Variants in STIM2 observed in about 807,000 individuals in gnomAD.
The protein encoded by STIM2 is stromal interaction molecule 2.
A neutral mutation model predicts 85.8 loss-of-function variants in STIM2; 31 were observed. That is an observed-to-expected ratio of 0.36 (90% CI 0.27 to 0.49). The LOEUF (loss-of-function observed/expected upper bound fraction) is 0.49, where lower values mean the gene tolerates loss of function less well. Among genes scored for constraint, STIM2 ranks in the 20% least tolerant of loss-of-function variants. STIM2 has a pLI of 0.98. For missense variants in STIM2, 841 were observed against 927.6 expected (o/e 0.91, Z 1.21); for synonymous variants, 356 against 331.1 (o/e 1.08, Z -0.82).
At chr4:26,970,468 C>T (rs1233699993) in intron 3 of STIM2, among the ~76,000 whole-genome samples, 2 of 151,020 alleles carry the variant, frequency 1.3e-5, no homozygotes, top group African/African-American at 2.4e-5. Flanking sequence ...TTGTTCAGTT[C>T]CCACCTATGA....
intron 2 of STIM2, among the ~76,000 whole-genome samples, chr4:26,950,181 T>C (rs958126456): frequency 6.6e-6 from 1 of 152,206 alleles, no homozygotes; most frequent in Non-Finnish European, 1.5e-5. Context: ...CAGTGACAGC[T>C]ATTTCATGTT....
chr4:26,940,162 C>T (rs368690102), intron 2 of STIM2, among the ~76,000 whole-genome samples: 31 of 152,232 alleles, frequency 2.0e-4, no homozygotes, highest in African/African-American at 6.0e-4. Flanking sequence ...GCAAATCATG[C>T]GGTCTGACTG....
chr4:26,959,691 A>G (rs1726378449), intron 3 of STIM2, among the ~76,000 whole-genome samples: 1 of 151,656 alleles, frequency 6.6e-6, no homozygotes, highest in Non-Finnish European at 1.5e-5. Flanking sequence ...TTTGTGATCT[A>G]TGAGAATGTT....
intron 1 of STIM2, among the ~76,000 whole-genome samples, chr4:26,880,321 T>G (rs1467576200): frequency 6.6e-6 from 1 of 152,098 alleles, no homozygotes; most frequent in Non-Finnish European, 1.5e-5. Context: ...TTTTCAGGAC[T>G]TTTTTTGGTG....
intron 10 of STIM2, among the ~76,000 whole-genome samples, chr4:27,012,170 G>T (rs914986682): frequency 1.6e-4 from 24 of 151,926 alleles, no homozygotes; most frequent in African/African-American, 5.8e-4. Flanking sequence ...GCCCTATTCT[G>T]CTTTAGTTTC....
intron 1 of STIM2, among the ~76,000 whole-genome samples, chr4:26,871,571 C>T (rs775558214): frequency 3.9e-5 from 6 of 152,140 alleles, no homozygotes; most frequent in African/African-American, 9.7e-5. Context: ...CAGTTTGACT[C>T]GGCTTTTCAG....
intron 7 of STIM2, among the ~76,000 whole-genome samples, chr4:27,005,986 C>T (rs984920721): frequency 6.6e-6 from 1 of 152,170 alleles, no homozygotes; most frequent in South Asian, 2.1e-4. Context: ...TGCGGACTTA[C>T]ATTTTGTGGT....
intron 1 of STIM2, chr4:26,873,781 G>T: frequency 1.2e-6 from 1 of 863,614 alleles, no homozygotes; most frequent in Non-Finnish European, 1.9e-6. Context: ...AGAGCAGAGG[G>T]GCTCTGTCAA....
intron 1 of STIM2, among the ~76,000 whole-genome samples, chr4:26,882,853 A>G (rs1385314018): frequency 1.1e-5 from 1 of 89,798 alleles, no homozygotes; most frequent in Non-Finnish European, 2.4e-5. Context: ...TTTTTTTTTT[A>G]TTGAGATGGA....
chr4:26,872,236 G>A (rs897561659), intron 1 of STIM2, among the ~76,000 whole-genome samples: 6 of 152,102 alleles, frequency 3.9e-5, no homozygotes, highest in East Asian at 1.9e-4. Context: ...TGAGTGGTCC[G>A]AGATTAGTTA....
chr4:26,919,362 A>G, intron 1 of STIM2, 142 bp from the exon 2 acceptor site: 1 of 1,025,800 alleles, frequency 9.7e-7, no homozygotes, highest in Non-Finnish European at 1.4e-6. Context: ...GATGTGAAGA[A>G]TATTCTGTTA....
chr4:26,998,504 G>C (rs1005785599), intron 4 of STIM2, among the ~76,000 whole-genome samples: 4 of 152,014 alleles, frequency 2.6e-5, no homozygotes, highest in African/African-American at 9.7e-5. Flanking sequence ...GATCTAAATT[G>C]AAAACTTAAT....
At chr4:26,915,144 C>T (rs1315083286) in intron 1 of STIM2, among the ~76,000 whole-genome samples, 1 of 151,982 alleles carries the variant, frequency 6.6e-6, no homozygotes, top group East Asian at 1.9e-4. Context: ...TATTATCTGC[C>T]CCATACAGGG....
In STIM2 at chr4:27,010,295, T is replaced by G. The variant is rs565752929; in HGVS notation, c.1489+1293T>G. ...CCTGTCTCTAGTAAAAATACAAAAA[T>G]TAGCTGGGCGTGGTGGTGTGCGCCT... On this transcript the variant is annotated intron_variant, in intron 10 of 11. Transcript: ENST00000467087. Among the ~76,000 whole-genome samples the G allele has an allele frequency of 8.6e-5, 13 of 152,008 alleles. 1 individual carries two copies. In the South Asian group the frequency reaches 2.5e-3, roughly 29 times the overall value.
chr4:26,935,290 A>G (rs2109077685), intron 2 of STIM2, among the ~76,000 whole-genome samples: 1 of 152,286 alleles, frequency 6.6e-6, no homozygotes, highest in South Asian at 2.1e-4. Context: ...TGAGCATTAC[A>G]TACTTGTTTG....
chr4:26,899,149 G>A (rs552184236), intron 1 of STIM2, among the ~76,000 whole-genome samples: 1 of 151,960 alleles, frequency 6.6e-6, no homozygotes, highest in East Asian at 1.9e-4. Context: ...AAGCATTAAT[G>A]TTTAATTTTA....
chr4:26,937,907 A>T (rs1027701341), intron 2 of STIM2, among the ~76,000 whole-genome samples: 1 of 152,300 alleles, frequency 6.6e-6, no homozygotes, highest in South Asian at 2.1e-4. Context: ...TTTGTATTGT[A>T]TAGCTTGTTT....
chr4:27,007,744 C>T lies in STIM2; in HGVS notation c.1149+44C>T. On this transcript the variant is annotated intron_variant, in intron 8 of 11. Transcript: ENST00000467087. Reference sequence around the variant, plus strand: ...AAATTTACTAAATTTGTTTCTTAGGCTGCATTCTTAGAGGGATTACTCAGC... The same window carrying T: ...AAATTTACTAAATTTGTTTCTTAGGTTGCATTCTTAGAGGGATTACTCAGC... The T allele has an allele frequency of 2.0e-6, 3 of 1,481,662 alleles. No homozygotes were observed. In the South Asian group the frequency reaches 4.4e-5, roughly 22 times the overall value. 91.8% of individuals were successfully genotyped at this position (1,481,662 alleles called of 1,614,324 possible). A position where few individuals can be genotyped will look rare whatever the true frequency, so the allele number is the denominator to read the frequency against.
intron 4 of STIM2, among the ~76,000 whole-genome samples, chr4:26,996,320 A>T (rs919342608): frequency 3.3e-5 from 5 of 152,042 alleles, no homozygotes; most frequent in Admixed American, 3.3e-4. Context: ...TTCTACCAGA[A>T]TTTTTTACCC....
Sources: allele counts gnomAD v4.1 joint callset (sites outside exome capture counted in the v4.1 genomes callset), GRCh38; gene constraint gnomAD v4.1.1; transcripts MANE v1.5; gene names NCBI Gene and HGNC (gene_info 2026-07-23, HGNC 2026-07-21).